The following CENPP variants were observed in gnomAD, a reference collection of about 807,000 sequenced individuals.
The protein encoded by CENPP is centromere protein P.
In CENPP, 24 loss-of-function variants were observed where a neutral mutation model predicts 35.6. The ratio of observed to expected loss-of-function variants is 0.67; its 90% CI spans 0.49 to 0.95. The LOEUF is 0.95. Among genes scored for constraint, CENPP ranks in the 40% least tolerant of loss-of-function variants. The pLI is 0.00. For missense variants in CENPP, 332 were observed against 345.3 expected (o/e 0.96, Z 0.31); for synonymous variants, 120 against 125.5 (o/e 0.96, Z 0.29).
chr9:92,337,566 C>T lies in CENPP; in HGVS notation c.315C>T (p.His105=), dbSNP rs41277737. 5.8e-5 allele frequency: 93 copies of T among 1,607,302 alleles called. No individual in the cohort carries two copies. Among genetic ancestry groups the T allele is most frequent in the Non-Finnish European group, 7.7e-5 (90 of 1,173,988 alleles). ...GTATTAGAAAAGTTCTACAGAGACA[C>T]AGATTATCAGGAAATTGCCACATGG... ...EKSIRKVLQR[H]RLSGNCHMVT... Residue 105 remains histidine, a synonymous_variant, in exon 3 of 8, where the codon CAC becomes CAT. Coordinates refer to ENST00000375587, the MANE Select transcript of CENPP (RefSeq NM_001012267.3).
intron 5 of CENPP, among the ~76,000 whole-genome samples, chr9:92,572,563 T>G (rs1425372910): frequency 2.0e-5 from 3 of 152,208 alleles, no homozygotes; most frequent in Non-Finnish European, 4.4e-5. Context: ...GACAATTATG[T>G]GTCTTGGAGT....
At chr9:92,389,873 A>C in intron 5 of CENPP, 4 of 1,611,150 alleles carry the variant, frequency 2.5e-6, no homozygotes, top group Non-Finnish European at 3.4e-6. Flanking sequence ...ATTTGCTTTG[A>C]TTCCCCTACT....
At chr9:92,409,369 T>G (rs1843386227) in intron 5 of CENPP, among the ~76,000 whole-genome samples, 1 of 152,236 alleles carries the variant, frequency 6.6e-6, no homozygotes, top group Admixed American at 6.5e-5. Context: ...TGGGGACATA[T>G]GAATTCTTAA....
At chr9:92,444,895 TG>T (rs1207480371) in intron 5 of CENPP, among the ~76,000 whole-genome samples, 1 of 152,090 alleles carries the variant, frequency 6.6e-6, no homozygotes, top group Non-Finnish European at 1.5e-5. Context: ...GCGGCTGTAC[TG>T]CAAGCAGGTG....
Position 92,619,882 on chromosome 9 carries a change from G to A in CENPP, c.*6733G>A, listed in dbSNP as rs936941392. The stretch of plus-strand genomic sequence containing the variant: ...AGCAAGGTCACCACAGTCGGCCTTT[G>A]GAAGGAAAAGCAGTAAGCCACCTGA... On this transcript the variant is annotated 3_prime_UTR_variant, in exon 8 of 8. Transcript: ENST00000375587. The A allele has an allele frequency of 2.7e-6, 1 of 376,288 alleles. No homozygotes were observed. Among genetic ancestry groups the A allele is most frequent in the Non-Finnish European group, 5.0e-6 (1 of 198,280 alleles). 23.3% of individuals were successfully genotyped at this position (376,288 alleles called of 1,614,324 possible).
intron 5 of CENPP, among the ~76,000 whole-genome samples, chr9:92,525,483 A>G (rs1327671982): frequency 6.6e-6 from 1 of 152,208 alleles, no homozygotes; most frequent in Non-Finnish European, 1.5e-5. Flanking sequence ...ATTATAATGG[A>G]GCTGAAAATC....
At chr9:92,560,088 G>A (rs949632365) in intron 5 of CENPP, among the ~76,000 whole-genome samples, 3 of 152,134 alleles carry the variant, frequency 2.0e-5, no homozygotes, top group Non-Finnish European at 2.9e-5. Flanking sequence ...AGGCTGCAGC[G>A]AGCTATGATT....
At chr9:92,575,381 C>T (rs559712382) in intron 5 of CENPP, among the ~76,000 whole-genome samples, 1 of 152,110 alleles carries the variant, frequency 6.6e-6, no homozygotes, top group East Asian at 1.9e-4. Flanking sequence ...CAAAAATGGG[C>T]AAAGGACTTG....
intron 5 of CENPP, chr9:92,459,674 T>C: frequency 6.2e-7 from 1 of 1,613,240 alleles, no homozygotes; most frequent in Non-Finnish European, 8.5e-7. Context: ...GGATTTTTTT[T>C]AGTTTATTGT....
chr9:92,511,573 C>G (rs1254852158), intron 5 of CENPP, among the ~76,000 whole-genome samples: 1 of 152,064 alleles, frequency 6.6e-6, no homozygotes, highest in Non-Finnish European at 1.5e-5. Context: ...CCAGAACCCC[C>G]TTCTGCCAAA....
chr9:92,504,493 A>G (rs1257921729), intron 5 of CENPP, among the ~76,000 whole-genome samples: 1 of 152,140 alleles, frequency 6.6e-6, no homozygotes, highest in Non-Finnish European at 1.5e-5. Flanking sequence ...GTCTGCCAGT[A>G]TGTATAGACT....
At chr9:92,581,807 AATGATGTCAT>A (rs1262049508) in intron 5 of CENPP, among the ~76,000 whole-genome samples, 2 of 152,216 alleles carry the variant, frequency 1.3e-5, no homozygotes. Context: ...ACATAATCAT[AATGATGTCAT>A]ATGAGAGGCT....
At chr9:92,327,281 G>A (rs966561782) in intron 1 of CENPP, among the ~76,000 whole-genome samples, 1 of 152,210 alleles carries the variant, frequency 6.6e-6, no homozygotes, top group African/African-American at 2.4e-5. Flanking sequence ...CATGAGATCT[G>A]CAAATTTAGA....
At chr9:92,468,576 T>C (rs1267689893) in intron 5 of CENPP, among the ~76,000 whole-genome samples, 1 of 152,202 alleles carries the variant, frequency 6.6e-6, no homozygotes. Flanking sequence ...AGCTAAAACT[T>C]AACACAGAGA....
intron 5 of CENPP, chr9:92,414,996 A>G (rs985626366): frequency 2.0e-6 from 1 of 506,834 alleles, no homozygotes; most frequent in South Asian, 4.4e-5. Flanking sequence ...ATCCTATGAA[A>G]TGATGCAGAT....
At chr9:92,606,870 G>A (rs112668607) in intron 5 of CENPP, among the ~76,000 whole-genome samples, 5,821 of 152,236 alleles carry the variant, frequency 0.038, 154 homozygotes, top group Middle Eastern at 0.079. Flanking sequence ...AGCTGAGGCA[G>A]GCGAATCGCT....
chr9:92,439,069 G>T (rs540509996), intron 5 of CENPP, among the ~76,000 whole-genome samples: 17 of 152,328 alleles, frequency 1.1e-4, no homozygotes, highest in African/African-American at 4.1e-4. Flanking sequence ...ATGGGGAAGT[G>T]ACTTAGATTT....
At chr9:92,513,567 A>AAACC (rs998719357) in intron 5 of CENPP, among the ~76,000 whole-genome samples, 1 of 152,218 alleles carries the variant, frequency 6.6e-6, no homozygotes, top group African/African-American at 2.4e-5. Flanking sequence ...AACTGATAGG[A>AAACC]AACCCTGCCC....
chr9:92,547,204 A>T (rs916609733), intron 5 of CENPP, among the ~76,000 whole-genome samples: 2 of 152,076 alleles, frequency 1.3e-5, no homozygotes, highest in Non-Finnish European at 2.9e-5. Context: ...TTTAAAAAGA[A>T]TAAAGAAAGC....
Sources: allele counts gnomAD v4.1 joint callset (sites outside exome capture counted in the v4.1 genomes callset), GRCh38; gene constraint gnomAD v4.1.1; transcripts MANE v1.5; gene names NCBI Gene and HGNC (gene_info 2026-07-23, HGNC 2026-07-21).